The following ERAP1 variants were observed in gnomAD, a reference collection of about 807,000 sequenced individuals.
ERAP1 encodes the protein adipocyte-derived leucine aminopeptidase.
In ERAP1, 86 loss-of-function variants were observed where a neutral mutation model predicts 103.7. The observed-to-expected ratio is 0.83, with a 90% CI of 0.70 to 0.99. The LOEUF (loss-of-function observed/expected upper bound fraction) is 0.99. ERAP1 is among the 50% of genes least tolerant of loss of function. ERAP1 has a pLI of 0.00. For missense variants in ERAP1, 1,009 were observed against 1,128.4 expected (o/e 0.89, Z 1.52); for synonymous variants, 398 against 402.4 (o/e 0.99, Z 0.13).
chr5:96,801,744 C>T (rs1778017282), intron 2 of ERAP1, among the ~76,000 whole-genome samples: 1 of 147,886 alleles, frequency 6.8e-6, no homozygotes, highest in Admixed American at 6.9e-5. Flanking sequence ...CCCAGCTACT[C>T]AGGAGGCTGA....
the ERAP1 span, among the ~76,000 whole-genome samples, chr5:96,879,369 G>C: frequency 6.6e-6 from 1 of 152,300 alleles, no homozygotes; most frequent in Admixed American, 6.5e-5. Context: ...AGGGTTTTTT[G>C]GGGGAGTCCT....
intron 14 of ERAP1, 70 bp downstream of exon 14, chr5:96,783,854 C>CAT: frequency 2.7e-6 from 1 of 376,494 alleles, no homozygotes; most frequent in Non-Finnish European, 3.5e-6. Flanking sequence ...CACACACACA[C>CAT]ATACACACAC....
chr5:96,768,942 T>C (rs1007332292), intron 19 of ERAP1: 4 of 152,614 alleles, frequency 2.6e-5, no homozygotes, highest in Admixed American at 2.0e-4. Flanking sequence ...ACAGTAGTGA[T>C]GTGTCTTTTA....
the ERAP1 span, among the ~76,000 whole-genome samples, chr5:96,864,360 C>T: frequency 6.6e-6 from 1 of 152,182 alleles, no homozygotes; most frequent in Non-Finnish European, 1.5e-5. Context: ...GAGAGGCCAA[C>T]AGATGCTTCT....
At chr5:96,909,940 C>T in the ERAP1 span, 1 of 580,378 alleles carries the variant, frequency 1.7e-6, no homozygotes, top group Admixed American at 3.0e-5. Context: ...GAGACTAGTA[C>T]AATCTCTACC....
the ERAP1 span, among the ~76,000 whole-genome samples, chr5:96,861,357 T>C: frequency 6.6e-6 from 1 of 152,046 alleles, no homozygotes; most frequent in African/African-American, 2.4e-5. Context: ...AAGGATAGAG[T>C]GGCCTAATTA....
At chr5:96,904,439 A>G in the ERAP1 span, among the ~76,000 whole-genome samples, 36 of 152,332 alleles carry the variant, frequency 2.4e-4, no homozygotes, top group East Asian at 6.9e-3. Flanking sequence ...CCAGCAGGAC[A>G]TCTCTGAGAC....
rs762594894 is a variant in ERAP1 at position 96,793,434 on chromosome 5, A to G, written c.1154T>C (p.Val385Ala). ...TTCAGGATGGGTCACACTGACAGACACAAACTCCATAAATTTGGCAAATCC... is the reference window on the plus strand; with the variant it reads ...TTCAGGATGGGTCACACTGACAGACGCAAACTCCATAAATTTGGCAAATCC... Reference protein sequence around the residue: ...NEGFAKFMEFVSVSVTHPELK... With the variant: ...NEGFAKFMEFASVSVTHPELK... Residue 385 changes from valine to alanine, a missense_variant, in exon 7 of 19, where the codon GTG becomes GCG. Val to Ala is a moderately conservative substitution (Grantham distance 64). Transcript: ENST00000443439. The G allele has an allele frequency of 3.7e-6, 6 of 1,613,944 alleles. No homozygotes were observed. The East Asian group carries it at 1.3e-4, about 36-fold the overall frequency.
At chr5:96,886,291 A>T in the ERAP1 span, among the ~76,000 whole-genome samples, 1 of 152,228 alleles carries the variant, frequency 6.6e-6, no homozygotes. Flanking sequence ...GAAAGGGGCC[A>T]TTATCTGGTA....
chr5:96,780,455 T>A lies in ERAP1; in HGVS notation c.2638A>T (p.Asn880Tyr). The A allele has an allele frequency of 6.2e-7, 1 of 1,613,164 alleles. No individual in the cohort carries two copies. Among genetic ancestry groups the A allele is most frequent in the South Asian group, 1.1e-5 (1 of 90,840 alleles). Residue 880 changes from asparagine to tyrosine, a missense_variant, in exon 18 of 19, where the codon AAT (asparagine) becomes TAT (tyrosine). Around this residue, in one of 3 missense-constraint regions of ERAP1, gnomAD observed 611 missense variants for 651.7 expected, o/e 0.94. Coordinates refer to ENST00000443439, the MANE Select transcript of ERAP1 (RefSeq NM_001040458.3). ...SIAHMVMGTT[N>Y]QFSTRTRLEE... ...AGCCGTGTTCTTGTGGAGAATTGAT[T>A]TGTTGTACCCATTACCATGTGGGCT...
intron 19 of ERAP1, among the ~76,000 whole-genome samples, chr5:96,764,423 C>A (rs919646472): frequency 6.6e-6 from 1 of 152,086 alleles, no homozygotes; most frequent in Non-Finnish European, 1.5e-5. Context: ...ATATTGTTGT[C>A]CATAATTTTT....
chr5:96,884,006 T>C, the ERAP1 span: 1 of 1,345,244 alleles, frequency 7.4e-7, no homozygotes, highest in Non-Finnish European at 1.0e-6. Context: ...TTAAAATTGC[T>C]TTCAGGATTT....
the ERAP1 span, among the ~76,000 whole-genome samples, chr5:96,832,899 A>G: frequency 1.6e-4 from 25 of 152,202 alleles, no homozygotes; most frequent in Admixed American, 1.2e-3. Context: ...ATGATATTAG[A>G]AGATGGGGCC....
intron 11 of ERAP1, among the ~76,000 whole-genome samples, chr5:96,787,568 A>G (rs1776190298): frequency 6.6e-6 from 1 of 152,034 alleles, no homozygotes; most frequent in Non-Finnish European, 1.5e-5. Context: ...GACCGGCCAT[A>G]AATGTTGTTT....
the ERAP1 span, among the ~76,000 whole-genome samples, chr5:96,912,058 C>T: frequency 2.0e-5 from 3 of 150,296 alleles, no homozygotes; most frequent in East Asian, 4.0e-4. Context: ...GGCGCGGTGG[C>T]GGGCGCCTGT....
chr5:96,923,065 C>T, the ERAP1 span, among the ~76,000 whole-genome samples: 1 of 152,116 alleles, frequency 6.6e-6, no homozygotes, highest in Non-Finnish European at 1.5e-5. Flanking sequence ...CTTTCAGTTT[C>T]TGGGTTCAGG....
the ERAP1 span, chr5:96,918,708 G>C: frequency 6.6e-6 from 1 of 152,086 alleles, no homozygotes; most frequent in Non-Finnish European, 1.5e-5. Flanking sequence ...CCCTCACAGA[G>C]ACACAAGAAA....
the ERAP1 span, chr5:96,909,814 A>C: frequency 6.3e-7 from 1 of 1,576,388 alleles, no homozygotes; most frequent in Non-Finnish European, 8.7e-7. Context: ...TTTGATGTAA[A>C]AGTCTTTGAT....
chr5:96,767,944 CAGG>C, intron 19 of ERAP1: 6 of 1,613,630 alleles, frequency 3.7e-6, no homozygotes, highest in Non-Finnish European at 5.1e-6. Context: ...GATGCTCTCT[CAGG>C]AGATCTGGAC....
Sources: gnomAD v4.1 joint callset for allele counts (sites outside exome capture counted in the v4.1 genomes callset) on GRCh38, gnomAD v4.1.1 for gene constraint, gnomAD v4.1.1 regional missense constraint, MANE v1.5 for transcripts, NCBI Gene and HGNC (gene_info 2026-07-23, HGNC 2026-07-21) for gene names.